Variants in FAR2 observed in about 807,000 individuals in gnomAD.
FAR2 encodes epididymis secretory protein Li 81.
Under a neutral mutation model 56.0 loss-of-function variants are expected in FAR2, and 19 were observed. That is an observed-to-expected ratio of 0.34 (90% CI 0.24 to 0.50). FAR2 has a LOEUF of 0.50. FAR2 is among the 20% of genes least tolerant of loss of function. FAR2 has a pLI of 0.98. For synonymous variants in FAR2, 219 were observed against 218.8 expected (o/e 1.00, Z -0.01); for missense variants, 508 against 642.2 (o/e 0.79, Z 2.26).
chr12:29,323,029 C>T (rs1004339727), intron 10 of FAR2, among the ~76,000 whole-genome samples: 21 of 152,252 alleles, frequency 1.4e-4, no homozygotes, highest in African/African-American at 3.9e-4. Context: ...GCGTCGCTCA[C>T]GCTGGTAGCT....
chr12:29,293,312 G>A lies in FAR2; in HGVS notation c.202G>A (p.Val68Ile). 1 of 1,579,302 alleles carries A rather than the reference G, an allele frequency of 6.3e-7. No homozygotes were observed. Among genetic ancestry groups the A allele is most frequent in the South Asian group, 1.2e-5 (1 of 85,206 alleles). Residue 68 changes from valine (V) to isoleucine (I), a missense_variant, in exon 3 of 12, where the codon GTC becomes ATC. By Grantham distance (29) the Val-to-Ile change is conservative (BLOSUM62 3). Coordinates refer to ENST00000536681, the MANE Select transcript of FAR2 (RefSeq NM_001271783.2). ...ATTTATGTTTCAGCTATTTGAGAAA[G>A]TCAAAGAAGTTTGTCCAAATGTGCA... ...QILDSKLFEKVKEVCPNVHEK... is the reference protein window; with the variant it reads ...QILDSKLFEKIKEVCPNVHEK...
At position 29,283,628 on chromosome 12, in the gene FAR2, C is replaced by T. The variant is rs1591926200; in HGVS notation, c.190-9672C>T. ...ACTTATTTTTATTAGAAATATGATT[C>T]TAAGTATTCAACATTGCTTTTTAAA... On this transcript the variant is annotated intron_variant, in intron 2 of 11. Transcript: ENST00000536681. Among the ~76,000 whole-genome samples, 3 of 152,220 alleles carry T rather than the reference C, an allele frequency of 2.0e-5. No individual in the cohort carries two copies. The South Asian group carries it at 6.2e-4, about 32-fold the overall frequency.
chr12:29,181,987 A>G (rs1253912947), intron 1 of FAR2, among the ~76,000 whole-genome samples: 2 of 152,234 alleles, frequency 1.3e-5, no homozygotes, highest in East Asian at 1.9e-4. Context: ...TCATTGAACA[A>G]TACATGTAAT....
chr12:29,207,519 A>G (rs180974258), intron 1 of FAR2, among the ~76,000 whole-genome samples: 3 of 152,310 alleles, frequency 2.0e-5, no homozygotes, highest in African/African-American at 7.2e-5. Context: ...AGTCGGCACT[A>G]TCACCTCCAG....
chr12:29,187,079 C>T (rs552078385), intron 1 of FAR2, among the ~76,000 whole-genome samples: 1 of 152,284 alleles, frequency 6.6e-6, no homozygotes, highest in East Asian at 1.9e-4. Flanking sequence ...TGAGCCACTG[C>T]GCCCGGCCCG....
intron 2 of FAR2, among the ~76,000 whole-genome samples, chr12:29,292,787 C>T (rs1038789871): frequency 6.6e-6 from 1 of 152,158 alleles, no homozygotes; most frequent in Admixed American, 6.5e-5. Context: ...TAGGGCCAGC[C>T]TTTTCAGTGG....
intron 1 of FAR2, among the ~76,000 whole-genome samples, chr12:29,238,240 A>G (rs1337220742): frequency 6.6e-6 from 1 of 152,118 alleles, no homozygotes; most frequent in African/African-American, 2.4e-5. Context: ...TTCAACCCAA[A>G]CAATATAGAG....
chr12:29,181,989 A>G (rs1469850953), intron 1 of FAR2, among the ~76,000 whole-genome samples: 1 of 152,238 alleles, frequency 6.6e-6, no homozygotes, highest in African/African-American at 2.4e-5. Context: ...ATTGAACAAT[A>G]CATGTAATCT....
At chr12:29,203,370 C>T (rs1187900309) in intron 1 of FAR2, among the ~76,000 whole-genome samples, 1 of 152,162 alleles carries the variant, frequency 6.6e-6, no homozygotes, top group Non-Finnish European at 1.5e-5. Flanking sequence ...CACCTACCCT[C>T]CTTTGCAAAG....
intron 1 of FAR2, among the ~76,000 whole-genome samples, chr12:29,194,230 G>A (rs1005302616): frequency 6.6e-6 from 1 of 152,036 alleles, no homozygotes; most frequent in African/African-American, 2.4e-5. Context: ...GTAGTCCATT[G>A]GACAGGTTAC....
intron 1 of FAR2, among the ~76,000 whole-genome samples, chr12:29,162,039 G>A (rs1465047018): frequency 6.6e-6 from 1 of 152,118 alleles, no homozygotes; most frequent in Non-Finnish European, 1.5e-5. Flanking sequence ...TGTTAGATAT[G>A]TGCTTTGTCA....
In FAR2 at chr12:29,308,705, C is replaced by CATATATATATAT. The variant is rs1489134888; in HGVS notation, c.724-480_724-479insTATATATATATA. Among the ~76,000 whole-genome samples the CATATATATATAT allele has an allele frequency of 7.8e-4, 104 of 132,564 alleles. 3 individuals are homozygous for CATATATATATAT. The highest frequency in any genetic ancestry group is 3.4e-3 in the African/African-American group (97 of 28,172). 87.0% of individuals were successfully genotyped at this position (132,564 alleles called of 152,430 possible). Reference sequence around the variant, plus strand: ...AGACACACAGACACACACACACACACACACACACACACACATATATATATA... The same window carrying CATATATATATAT: ...AGACACACAGACACACACACACACACATATATATATATACACACACACACACATATATATATA... On this transcript the variant is annotated intron_variant, in intron 5 of 11. Transcript: ENST00000536681.
At chr12:29,274,594 T>C (rs1565499956) in intron 2 of FAR2, among the ~76,000 whole-genome samples, 1 of 152,080 alleles carries the variant, frequency 6.6e-6, no homozygotes, top group Non-Finnish European at 1.5e-5. Flanking sequence ...ATATCCCCTG[T>C]GACCTGCACG....
chr12:29,285,663 G>C (rs1359191018), intron 2 of FAR2, among the ~76,000 whole-genome samples: 1 of 152,194 alleles, frequency 6.6e-6, no homozygotes, highest in Non-Finnish European at 1.5e-5. Flanking sequence ...GCTCATGCCT[G>C]TAATCCCAGC....
At chr12:29,259,075 T>G (rs1262888043) in intron 1 of FAR2, among the ~76,000 whole-genome samples, 1 of 152,198 alleles carries the variant, frequency 6.6e-6, no homozygotes, top group Non-Finnish European at 1.5e-5. Context: ...GAAATTTAAG[T>G]CTTGAATTTG....
intron 1 of FAR2, among the ~76,000 whole-genome samples, chr12:29,263,448 A>C (rs1396767037): frequency 6.6e-6 from 1 of 152,116 alleles, no homozygotes. Context: ...AATATCAAGC[A>C]TCTTCTCTGG....
chr12:29,332,910 C>T (rs1455008239), intron 11 of FAR2, 183 bp downstream of exon 11: 2 of 686,500 alleles, frequency 2.9e-6, no homozygotes, highest in Non-Finnish European at 5.3e-6. Context: ...CTCTATGAGG[C>T]AAGTATTACT....
At chr12:29,296,186 GCTGT>G (rs139612608) in intron 3 of FAR2, among the ~76,000 whole-genome samples, 46,876 of 151,778 alleles carry the variant, frequency 0.31, 9,043 homozygotes, top group Admixed American at 0.46. Context: ...AATTTTTGTG[GCTGT>G]CTTTTTAGTA....
At chr12:29,207,512 C>A (rs1311603368) in intron 1 of FAR2, among the ~76,000 whole-genome samples, 1 of 152,144 alleles carries the variant, frequency 6.6e-6, no homozygotes, top group Non-Finnish European at 1.5e-5. Context: ...CAAAGGGAGT[C>A]GGCACTATCA....
Sources: gnomAD v4.1 joint callset for allele counts (sites outside exome capture counted in the v4.1 genomes callset) on GRCh38, gnomAD v4.1.1 for gene constraint, MANE v1.5 for transcripts, NCBI Gene and HGNC (gene_info 2026-07-23, HGNC 2026-07-21) for gene names.